Variants in UBR3 observed in about 807,000 individuals in gnomAD.
The protein encoded by UBR3 is ubiquitin protein ligase E3 component n-recognin 3.
Under a neutral mutation model 243.2 loss-of-function variants are expected in UBR3, and 85 were observed. The ratio of observed to expected loss-of-function variants is 0.35; its 90% CI spans 0.29 to 0.42. The LOEUF is 0.42. UBR3 is among the 10% of genes least tolerant of loss of function. UBR3 has a pLI of 1.00. For synonymous variants in UBR3, 748 were observed against 799.8 expected (o/e 0.94, Z 1.09); for missense variants, 1,686 against 2,300.8 (o/e 0.73, Z 5.47).
intron 19 of UBR3, among the ~76,000 whole-genome samples, chr2:169,936,115 A>C (rs1042378955): frequency 6.6e-6 from 1 of 152,086 alleles, no homozygotes; most frequent in African/African-American, 2.4e-5. Context: ...GCTGGAGTAC[A>C]ATGGCATGAT....
chr2:169,840,030 C>T (rs988411244), intron 1 of UBR3, among the ~76,000 whole-genome samples: 13 of 152,084 alleles, frequency 8.5e-5, no homozygotes, highest in African/African-American at 3.1e-4. Context: ...GCTTGGACTG[C>T]TTCTGTGTCT....
intron 24 of UBR3, among the ~76,000 whole-genome samples, chr2:169,971,129 A>C (rs913977030): frequency 1.3e-5 from 2 of 151,978 alleles, no homozygotes; most frequent in African/African-American, 4.8e-5. Flanking sequence ...TCTTCTTTTG[A>C]GAAGTGTCTG....
intron 6 of UBR3, 62 bp downstream of exon 6, chr2:169,891,293 C>T (rs2084364767): frequency 1.6e-6 from 2 of 1,266,352 alleles, no homozygotes; most frequent in African/African-American, 3.0e-5. Context: ...TGCCTAATCA[C>T]TAAAAATACT....
At chr2:169,889,279 G>C (rs1265412285) in intron 5 of UBR3, among the ~76,000 whole-genome samples, 1 of 152,058 alleles carries the variant, frequency 6.6e-6, no homozygotes, top group Non-Finnish European at 1.5e-5. Context: ...AATTCTACTT[G>C]TCTTTTAAGT....
intron 33 of UBR3, among the ~76,000 whole-genome samples, chr2:170,057,259 G>A (rs910374292): frequency 5.3e-5 from 8 of 151,942 alleles, no homozygotes; most frequent in Admixed American, 3.3e-4. Flanking sequence ...TGGGGCTACA[G>A]GCTTGTGCCA....
chr2:170,014,972 T>A (rs1483453593), intron 29 of UBR3: 1 of 19,826 alleles, frequency 5.0e-5, no homozygotes, highest in African/African-American at 1.3e-4. Flanking sequence ...TATGTTGCAG[T>A]TTTTTTTTTT....
chr2:170,065,122 C>T (rs907701780), intron 35 of UBR3, among the ~76,000 whole-genome samples: 7 of 152,064 alleles, frequency 4.6e-5, no homozygotes, highest in African/African-American at 7.2e-5. Flanking sequence ...GGATTACAGG[C>T]GTGAGCCACC....
chr2:169,998,971 T>C (rs2089596359), intron 26 of UBR3, among the ~76,000 whole-genome samples: 1 of 152,194 alleles, frequency 6.6e-6, no homozygotes, highest in South Asian at 2.1e-4. Context: ...GACATTTCAG[T>C]GTTAGGCACT....
At chr2:169,940,251 G>A (rs757766088) in intron 19 of UBR3, among the ~76,000 whole-genome samples, 4 of 152,018 alleles carry the variant, frequency 2.6e-5, no homozygotes, top group South Asian at 2.1e-4. Flanking sequence ...TTTAACAAAT[G>A]TATGGATTTT....
At position 170,081,933 on chromosome 2, in the gene UBR3, C is replaced by G. The variant is rs944160248; in HGVS notation, c.*90C>G. 64 of 935,126 alleles carry G rather than the reference C, an allele frequency of 6.8e-5. No individual in the cohort carries two copies. Among genetic ancestry groups the G allele is most frequent in the Non-Finnish European group, 9.4e-5 (62 of 658,228 alleles). 57.9% of individuals were successfully genotyped at this position (935,126 alleles called of 1,614,324 possible). On this transcript the variant is annotated 3_prime_UTR_variant, in exon 39 of 39. Transcript: ENST00000272793. Reference sequence around the variant, plus strand: ...TTTAACTTAATTTGGGGGATTAACACTTTTGCTGAGGGAGAAAAAGAAAAC... The same window carrying G: ...TTTAACTTAATTTGGGGGATTAACAGTTTTGCTGAGGGAGAAAAAGAAAAC...
chr2:169,850,768 C>T (rs976716683), intron 1 of UBR3, among the ~76,000 whole-genome samples: 16 of 151,304 alleles, frequency 1.1e-4, no homozygotes, highest in Non-Finnish European at 2.2e-4. Flanking sequence ...GGCATGAACC[C>T]GGGAGGCGGA....
At chr2:169,864,071 G>T (rs1401805837) in intron 1 of UBR3, among the ~76,000 whole-genome samples, 1 of 151,658 alleles carries the variant, frequency 6.6e-6, no homozygotes, top group South Asian at 2.1e-4. Flanking sequence ...TTTGAGACAG[G>T]ATCTTACTCT....
At chr2:169,984,551 T>A (rs1344907974) in intron 24 of UBR3, among the ~76,000 whole-genome samples, 3 of 152,192 alleles carry the variant, frequency 2.0e-5, no homozygotes, top group African/African-American at 7.2e-5. Context: ...ATAGGTTATT[T>A]ATTTTTTCAT....
chr2:169,936,567 A>T (rs2086340549), intron 19 of UBR3, among the ~76,000 whole-genome samples: 1 of 151,902 alleles, frequency 6.6e-6, no homozygotes. Flanking sequence ...ACATGTGCAC[A>T]ATGTGCAGGT....
intron 37 of UBR3, 162 bp from the exon 38 acceptor site, chr2:170,080,383 G>A (rs1490342804): frequency 4.9e-6 from 4 of 815,148 alleles, no homozygotes; most frequent in East Asian, 2.8e-5. Flanking sequence ...ACCTCCTAAT[G>A]TATTAATAAT....
chr2:170,048,213 A>G (rs986068347), intron 32 of UBR3, among the ~76,000 whole-genome samples: 4 of 152,148 alleles, frequency 2.6e-5, no homozygotes, highest in African/African-American at 9.7e-5. Flanking sequence ...TGGGGTTGCA[A>G]CTGAACTCCC....
Position 169,949,882 on chromosome 2 carries a change from C to G in UBR3, c.3362C>G (p.Pro1121Arg). The change falls in exon 23 of 39, where the codon CCA becomes CGA. Residue 1121 changes from proline (P) to arginine (R), a missense_variant. Coordinates refer to ENST00000272793, the MANE Select transcript of UBR3 (RefSeq NM_172070.4). ...WLDDIEILIQPEIPKYSHGDG... is the reference protein window; with the variant it reads ...WLDDIEILIQREIPKYSHGDG... ...GATGACATAGAAATTTTAATCCAACCAGAAATTCCTAAATACAGTCATGGA... is the reference window on the plus strand; with the variant it reads ...GATGACATAGAAATTTTAATCCAACGAGAAATTCCTAAATACAGTCATGGA... 2.5e-6 allele frequency: 4 copies of G among 1,608,202 alleles called. No individual in the cohort carries two copies. Among genetic ancestry groups the G allele is most frequent in the Non-Finnish European group, 3.4e-6 (4 of 1,176,700 alleles).
intron 31 of UBR3, among the ~76,000 whole-genome samples, chr2:170,039,228 T>C (rs1226526222): frequency 2.0e-5 from 3 of 152,152 alleles, no homozygotes; most frequent in East Asian, 1.9e-4. Context: ...AAGAAAATTT[T>C]CCAGGCAGAA....
rs1454563816 is a variant in UBR3, at chr2:169,924,117, G to C, written c.1966G>C (p.Val656Leu). The C allele has an allele frequency of 6.5e-7, 1 of 1,548,122 alleles. No individual in the cohort carries two copies. Among genetic ancestry groups the C allele is most frequent in the Admixed American group, 2.0e-5 (1 of 50,554 alleles). Residue 656 changes from valine to leucine, a missense_variant, in exon 13 of 39, where the codon GTT becomes CTT. Val to Leu is a conservative substitution (Grantham distance 32). This residue lies in a region of UBR3 where 346 missense variants were observed against 585.8 expected (regional missense o/e 0.59). Transcript: ENST00000272793. ...VKCQELDLDS[V>L]LPDQEMLMKL... ...ATGTCAAGAACTAGATTTGGATTCT[G>C]TTTTACCAGATCAGGAAATGTTAAT...
Sources: gnomAD v4.1 joint callset for allele counts (sites outside exome capture counted in the v4.1 genomes callset) on GRCh38, gnomAD v4.1.1 for gene constraint, gnomAD v4.1.1 regional missense constraint, MANE v1.5 for transcripts, NCBI Gene and HGNC (gene_info 2026-07-23, HGNC 2026-07-21) for gene names.